Variants in ACOT9 observed in about 807,000 individuals in gnomAD.
ACOT9 encodes acyl-CoA thioesterase 9, also known as acyl-coenzyme A thioesterase 9, mitochondrial.
In ACOT9, 34 loss-of-function variants were observed where a neutral mutation model predicts 39.7. The observed-to-expected ratio is 0.86, with a 90% CI of 0.65 to 1.14. The LOEUF is 1.14. ACOT9 is among the 50% of genes most tolerant of loss of function. The probability of loss-of-function intolerance (pLI) is 0.00; values close to 1 mark genes in which losing one functional copy is unlikely to be tolerated. For missense variants in ACOT9, 313 were observed against 344.1 expected, an observed-to-expected ratio of 0.91 and a Z score of 0.71; for synonymous variants, 110 against 120.5, an observed-to-expected ratio of 0.91 and a Z score of 0.57.
intron 1 of ACOT9, among the ~76,000 whole-genome samples, chrX:23,742,244 GAGAGAGAGAGAGAT>G (rs1382551360): frequency 3.7e-5 from 2 of 54,560 alleles, no homozygotes; most frequent in African/African-American, 2.2e-4. Flanking sequence ...GAGGGAGAGA[GAGAGAGAGAGAGAT>G]ATCCAGGACC....
chrX:23,711,990 T>C (rs1928911218), intron 9 of ACOT9, among the ~76,000 whole-genome samples: 2 of 110,824 alleles, frequency 1.8e-5, no homozygotes. Context: ...GAGAAAGCAA[T>C]AGAACAAATC....
rs13497 is a variant in ACOT9 at position 23,703,955 on chromosome X, C to T, written c.1286G>A (p.Arg429Gln). ...GESMLYLDGQ[R>Q]HFNSMSGPAT... ...TGGGCCACTCATGGAGTTGAAATGC[C>T]GCTGCCCATCTAAGTACAACATGGA... The change falls in exon 16 of 16, where the codon CGG becomes CAG. Residue 429 changes from arginine to glutamine, a missense_variant. Transcript: ENST00000379303. 3 of 1,208,491 alleles carry T rather than the reference C, an allele frequency of 2.5e-6. No individual in the cohort carries two copies. Among genetic ancestry groups the T allele is most frequent in the East Asian group, 3.0e-5 (1 of 33,728 alleles).
rs573279717 is a variant in ACOT9, at chrX:23,740,102, C to T, written c.20+3023G>A. Among the ~76,000 whole-genome samples, 11 of 92,596 alleles carry T rather than the reference C, an allele frequency of 1.2e-4. No individual in the cohort carries two copies. In the South Asian group the frequency reaches 6.4e-3, roughly 54 times the overall value. 80.4% of individuals were successfully genotyped at this position (92,596 alleles called of 115,157 possible). On this transcript the variant is annotated intron_variant, in intron 1 of 15. Transcript: ENST00000379303. ...TGTCAACATAGCATTCAAGAGTATT[C>T]GGGTAATGGTAACTTTTTTTTTTTT... is the stretch of plus-strand genomic sequence containing the variant.
At chrX:23,740,047 C>T (rs1930081222) in intron 1 of ACOT9, among the ~76,000 whole-genome samples, 1 of 110,629 alleles carries the variant, frequency 9.0e-6, no homozygotes, top group Admixed American at 9.7e-5. Context: ...ATACCAATAG[C>T]ATATTGGTAA....
chrX:23,741,759 C>T (rs1408583609), intron 1 of ACOT9, among the ~76,000 whole-genome samples: 1 of 99,618 alleles, frequency 1.0e-5, no homozygotes, highest in East Asian at 3.2e-4. Flanking sequence ...ACTGCAACCT[C>T]TGCCTTCCGG....
chrX:23,727,213 C>A (rs762754312), intron 6 of ACOT9, among the ~76,000 whole-genome samples: 1 of 112,085 alleles, frequency 8.9e-6, no homozygotes, highest in Non-Finnish European at 1.9e-5. Context: ...AGGGAGAAAG[C>A]CAAGTGATAA....
chrX:23,713,258 G>T, intron 8 of ACOT9, 50 bp from the exon 9 acceptor site: 1 of 1,019,193 alleles, frequency 9.8e-7, no homozygotes, highest in Non-Finnish European at 1.4e-6. Flanking sequence ...GATTTATCGG[G>T]AAGACCTACC....
chrX:23,738,336 T>C (rs1478210172), intron 1 of ACOT9, among the ~76,000 whole-genome samples: 1 of 109,303 alleles, frequency 9.1e-6, no homozygotes. Context: ...CAGCCAGGCA[T>C]GGTGGCTCAT....
chrX:23,730,866 G>A lies in ACOT9; in HGVS notation c.312C>T (p.Gly104=). The part of the protein sequence containing the change: ...DSYIEVLLPL[G]SEPELREKYL... ...ATTTCTCTCGTAATTCAGGCTCACT[G>A]CCCAAAGGCAAGAGAACTTCAATAT... Residue 104 remains glycine, a synonymous_variant, in exon 5 of 16, where the codon GGC becomes GGT. Transcript: ENST00000379303. The A allele has an allele frequency of 1.7e-6, 2 of 1,210,749 alleles. No individual in the cohort carries two copies. The highest frequency in any genetic ancestry group is 2.2e-6 in the Non-Finnish European group (2 of 894,663).
intron 10 of ACOT9, 126 bp downstream of exon 10, chrX:23,707,751 A>AC: frequency 2.0e-6 from 1 of 498,611 alleles, no homozygotes; most frequent in Non-Finnish European, 3.1e-6. Context: ...AAAAACAAAC[A>AC]AAAAAACAAA....
chrX:23,720,811 G>A (rs774720992), intron 8 of ACOT9, among the ~76,000 whole-genome samples: 1 of 111,088 alleles, frequency 9.0e-6, no homozygotes, highest in South Asian at 3.8e-4. Flanking sequence ...ACCACCACCC[G>A]CCAATACCAA....
At position 23,743,121 on chromosome X, in the gene ACOT9, C is replaced by T; in HGVS notation, c.20+4G>A. 8.6e-7 allele frequency: 1 copy of T among 1,158,960 alleles called. No homozygotes were observed. Among genetic ancestry groups the T allele is most frequent in the Non-Finnish European group, 1.2e-6 (1 of 868,166 alleles). ...GCCAGCCCCTTCCACGCCCCGCCACCTACCGCAGTGCTGCCCGCCTCATTG... is the reference window on the plus strand; with the variant it reads ...GCCAGCCCCTTCCACGCCCCGCCACTTACCGCAGTGCTGCCCGCCTCATTG... On this transcript the variant is annotated splice_donor_region_variant and intron_variant, in intron 1 of 15. Coordinates refer to ENST00000379303, the MANE Select transcript of ACOT9 (RefSeq NM_001037171.2).
At chrX:23,715,213 T>C (rs1390242807) in intron 8 of ACOT9, among the ~76,000 whole-genome samples, 1 of 111,702 alleles carries the variant, frequency 9.0e-6, no homozygotes, top group African/African-American at 3.3e-5. Flanking sequence ...GCTCCCCAGT[T>C]GTTCACCAAA....
rs140481214 is a variant in ACOT9 at position 23,720,913 on chromosome X, G to A, written c.588+968C>T. ...TCCTGTGTACTTTAAATTATCTCTG[G>A]ATTACTTATAATACCTAATACAATA... On this transcript the variant is annotated intron_variant, in intron 8 of 15. Coordinates refer to ENST00000379303, the MANE Select transcript of ACOT9 (RefSeq NM_001037171.2). Among the ~76,000 whole-genome samples, 388 of 110,000 alleles carry A rather than the reference G, an allele frequency of 3.5e-3. 2 individuals are homozygous for A. Among genetic ancestry groups the A allele is most frequent in the Non-Finnish European group, 5.4e-3 (284 of 52,754 alleles).
chrX:23,703,836 T>G lies in ACOT9; in HGVS notation c.*58A>C, dbSNP rs1447837439. ...TAAAATCAATACACTCGATCAGGTCTTCATCAGATACCACGTCACTGTGGG... is the reference window on the plus strand; with the variant it reads ...TAAAATCAATACACTCGATCAGGTCGTCATCAGATACCACGTCACTGTGGG... On this transcript the variant is annotated 3_prime_UTR_variant, in exon 16 of 16. Coordinates refer to ENST00000379303, the MANE Select transcript of ACOT9 (RefSeq NM_001037171.2). 3 of 996,081 alleles carry G rather than the reference T, an allele frequency of 3.0e-6. No homozygotes were observed. The East Asian group carries it at 9.2e-5, about 31-fold the overall frequency. 82.1% of individuals were successfully genotyped at this position (996,081 alleles called of 1,213,427 possible). A position where few individuals can be genotyped will look rare whatever the true frequency, so the allele number is the denominator to read the frequency against.
chrX:23,733,590 GT>G (rs981569946), intron 3 of ACOT9, among the ~76,000 whole-genome samples: 1 of 111,015 alleles, frequency 9.0e-6, no homozygotes, highest in Non-Finnish European at 1.9e-5. Context: ...CTTTTTTGTT[GT>G]TTTTTTTGAG....
chrX:23,740,130 A>G (rs868178791), intron 1 of ACOT9, among the ~76,000 whole-genome samples: 1 of 63,134 alleles, frequency 1.6e-5, no homozygotes, highest in Non-Finnish European at 2.9e-5. Flanking sequence ...TTTTTTTTTG[A>G]GACAGTCTCA....
intron 8 of ACOT9, among the ~76,000 whole-genome samples, chrX:23,716,483 C>T (rs1255707191): frequency 1.4e-4 from 16 of 111,892 alleles, no homozygotes; most frequent in Non-Finnish European, 2.8e-4. Context: ...AATGCTCAAC[C>T]TATGTAAGTT....
At chrX:23,736,797 C>T (rs771517288) in intron 1 of ACOT9, among the ~76,000 whole-genome samples, 1 of 111,309 alleles carries the variant, frequency 9.0e-6, no homozygotes, top group East Asian at 2.8e-4. Flanking sequence ...CCAGCCTAGG[C>T]AACAGAGTGA....
Sources: allele counts gnomAD v4.1 joint callset (sites outside exome capture counted in the v4.1 genomes callset), GRCh38; gene constraint gnomAD v4.1.1; transcripts MANE v1.5; gene names NCBI Gene and HGNC (gene_info 2026-07-23, HGNC 2026-07-21).